The following PDGFRB variants were observed in gnomAD, a reference collection of about 807,000 sequenced individuals.
PDGFRB encodes the protein platelet derived growth factor receptor beta.
Under a neutral mutation model 120.2 loss-of-function variants are expected in PDGFRB, and 42 were observed. That is an observed-to-expected ratio of 0.35 (90% CI 0.27 to 0.45). PDGFRB has a LOEUF of 0.45. Ranked by LOEUF, PDGFRB falls within the 20% of genes least tolerant of loss-of-function variation. The pLI is 1.00. For synonymous variants in PDGFRB, 586 were observed against 606.8 expected (o/e 0.97, Z 0.50); for missense variants, 1,149 against 1,476.3 (o/e 0.78, Z 3.63).
intron 1 of PDGFRB, chr5:150,137,288 T>C: frequency 2.0e-6 from 1 of 499,504 alleles, no homozygotes; most frequent in South Asian, 2.7e-5. Context: ...TTGGCTCTGC[T>C]TGTGACTCTC....
intron 8 of PDGFRB, 64 bp from the exon 9 acceptor site, chr5:150,130,726 C>T (rs556580365): frequency 2.0e-6 from 3 of 1,477,434 alleles, no homozygotes; most frequent in Admixed American, 4.0e-5. Flanking sequence ...GACAGGTCCT[C>T]AGGGGAGGAC....
At chr5:150,127,605 G>A (rs1760329865) in intron 10 of PDGFRB, among the ~76,000 whole-genome samples, 1 of 152,126 alleles carries the variant, frequency 6.6e-6, no homozygotes, top group African/African-American at 2.4e-5. Flanking sequence ...GGAGGCCAAG[G>A]TGGGCGGATC....
At position 150,135,658 on chromosome 5, in the gene PDGFRB, C is replaced by T. The variant is rs1474577325; in HGVS notation, c.261G>A (p.Leu87=). The T allele has an allele frequency of 6.2e-7, 1 of 1,614,028 alleles. No individual in the cohort carries two copies. Among genetic ancestry groups the T allele is most frequent in the Non-Finnish European group, 8.5e-7 (1 of 1,179,886 alleles). ...CCGTGTCTAGCCCAGTGAGGTTGGT[C>T]AGTGTGAGCACGCTGGAGAAGGTGC... ...QDGTFSSVLT[L]TNLTGLDTGE... The change falls in exon 3 of 23, where the codon CTG becomes CTA. Residue 87 remains leucine (L), a synonymous_variant. Transcript: ENST00000261799.
chr5:150,153,147 T>C (rs1294760956), intron 1 of PDGFRB, among the ~76,000 whole-genome samples: 1 of 152,236 alleles, frequency 6.6e-6, no homozygotes, highest in African/African-American at 2.4e-5. Flanking sequence ...CTGGGTCTCC[T>C]GACTCTGGAT....
Position 150,120,921 on chromosome 5 carries a change from G to A in PDGFRB, c.2553C>T (p.Ile851=), listed in dbSNP as rs570277745. ...KICDFGLARD[I]MRDSNYISKG... ...TGGAGATGTAATTCGAGTCCCGCAT[G>A]ATGTCTCGAGCCAGGCCAAAGTCAC... Residue 851 remains isoleucine, a synonymous_variant, in exon 18 of 23, where the codon ATC becomes ATT. Transcript: ENST00000261799. This position sits in a 1 kb window ranked among gnomAD's most constrained non-coding sequence, Gnocchi z 4.3. 1 of 1,613,952 alleles carries A rather than the reference G, an allele frequency of 6.2e-7. No homozygotes were observed. Among genetic ancestry groups the A allele is most frequent in the Non-Finnish European group, 8.5e-7 (1 of 1,179,866 alleles).
intron 1 of PDGFRB, among the ~76,000 whole-genome samples, chr5:150,140,978 C>G (rs766537552): frequency 2.6e-5 from 4 of 152,170 alleles, no homozygotes; most frequent in Non-Finnish European, 5.9e-5. Context: ...ACGACACAGG[C>G]AGGCCAGGGA....
Position 150,120,275 on chromosome 5 carries a change from TC to T in PDGFRB, c.2587-153del, listed in dbSNP as rs1824010049. 1 of 605,574 alleles carries T rather than the reference TC, an allele frequency of 1.7e-6. No individual in the cohort carries two copies. Among genetic ancestry groups the T allele is most frequent in the East Asian group, 2.8e-5 (1 of 36,204 alleles). The allele number at this position is 605,574 out of a possible 1,614,324, so 37.5% of individuals were successfully genotyped here. A position where few individuals can be genotyped will look rare whatever the true frequency, so the allele number is the denominator to read the frequency against. On this transcript the variant is annotated intron_variant, in intron 18 of 22. Transcript: ENST00000261799. This position sits in a 1 kb window ranked among gnomAD's most constrained non-coding sequence, Gnocchi z 4.3. ...GGCCCTGGTCTCTGCGCAGCACAGT[TC>T]CCATGTCCATCCCAGGGCTGGTCAG...
intron 15 of PDGFRB, among the ~76,000 whole-genome samples, 179 bp downstream of exon 15, chr5:150,122,863 G>C (rs758239774): frequency 6.6e-6 from 1 of 152,230 alleles, no homozygotes; most frequent in Non-Finnish European, 1.5e-5. Context: ...CACAGGGCCT[G>C]GCATTAGTGT....
Position 150,115,919 on chromosome 5 carries a change from G to A in PDGFRB, c.3165C>T (p.Ser1055=), listed in dbSNP as rs375352303. 1.0e-4 allele frequency: 159 copies of A among 1,589,314 alleles called. No individual in the cohort carries two copies. Among genetic ancestry groups the A allele is most frequent in the Middle Eastern group, 6.6e-4 (4 of 6,042 alleles). Residue 1055 remains serine (S), a synonymous_variant, in exon 23 of 23, where the codon TCC becomes TCT. Coordinates refer to ENST00000261799, the MANE Select transcript of PDGFRB (RefSeq NM_002609.4). The part of the protein sequence containing the change: ...ASSTLNEVNT[S]STISCDSPLE... ...GGGGGCTGTCACAGGAGATGGTTGA[G>A]GAGGTGTTGACTTCATTCAGGGTGG...
At chr5:150,125,846 C>T in intron 11 of PDGFRB, among the ~76,000 whole-genome samples, 1 of 152,178 alleles carries the variant, frequency 6.6e-6, no homozygotes, top group East Asian at 1.9e-4. Context: ...TGAGAACCTC[C>T]TCTCTAGCTT....
intron 22 of PDGFRB, 145 bp downstream of exon 22, chr5:150,117,473 A>G (rs923951387): frequency 8.7e-6 from 5 of 574,678 alleles, no homozygotes; most frequent in African/African-American, 1.9e-5. Context: ...TCTTCTATTC[A>G]TTGGTAGGGA....
rs115096367 is a variant in PDGFRB at position 150,119,271 on chromosome 5, C to T, written c.2798+196G>A. 7.4e-3 allele frequency among the ~76,000 whole-genome samples: 1,123 copies of T among 152,140 alleles called. 16 individuals carry two copies. The highest frequency in any genetic ancestry group is 0.026 in the African/African-American group (1,091 of 41,490). On this transcript the variant is annotated intron_variant, in intron 20 of 22. Coordinates refer to ENST00000261799, the MANE Select transcript of PDGFRB (RefSeq NM_002609.4). Reference sequence around the variant, plus strand: ...GGGCAATGCTGGCCTGAAAATGAGGCCACACAGAGCAAAGCAGAGCTCAGG... The same window carrying T: ...GGGCAATGCTGGCCTGAAAATGAGGTCACACAGAGCAAAGCAGAGCTCAGG...
rs146967726 is a variant in PDGFRB at position 150,123,062 on chromosome 5, G to A, written c.2163C>T (p.Pro721=). Residue 721 remains proline (P), a synonymous_variant, in exon 15 of 23, where the codon CCC becomes CCT. Coordinates refer to ENST00000261799, the MANE Select transcript of PDGFRB (RefSeq NM_002609.4). ...PSAELYSNAL[P]VGLPLPSHVS... ...GGTACCTGGGCAGGGGGAGCCCAAC[G>A]GGCAGAGCATTGCTGTAGAGCTCCG... 1.9e-5 allele frequency: 30 copies of A among 1,613,236 alleles called. No individual in the cohort carries two copies. The highest frequency in any genetic ancestry group is 5.3e-5 in the African/African-American group (4 of 74,932).
chr5:150,115,167 A>C lies in PDGFRB; in HGVS notation c.*596T>G, dbSNP rs897990056. ...ATTAATTAGGCTGCCTAATGGCCCC[A>C]GACCAGCTCGGGCCAGGGAACGCAG... is the stretch of plus-strand genomic sequence containing the variant. On this transcript the variant is annotated 3_prime_UTR_variant, in exon 23 of 23. Coordinates refer to ENST00000261799, the MANE Select transcript of PDGFRB (RefSeq NM_002609.4). The C allele has an allele frequency of 4.3e-6, 1 of 233,062 alleles. No homozygotes were observed. Among genetic ancestry groups the C allele is most frequent in the African/African-American group, 2.2e-5 (1 of 45,324 alleles). The allele number at this position is 233,062 out of a possible 1,614,324, so 14.4% of individuals were successfully genotyped here.
At chr5:150,148,639 C>G (rs1271854775) in intron 1 of PDGFRB, among the ~76,000 whole-genome samples, 1 of 152,260 alleles carries the variant, frequency 6.6e-6, no homozygotes, top group Non-Finnish European at 1.5e-5. Context: ...CTGAGTTTAA[C>G]TTATCTGAGT....
chr5:150,140,172 CCCA>C (rs1314123313), intron 1 of PDGFRB, among the ~76,000 whole-genome samples: 1 of 152,098 alleles, frequency 6.6e-6, no homozygotes, highest in Non-Finnish European at 1.5e-5. Context: ...TCCCTGATAC[CCCA>C]CATTTTCCAC....
chr5:150,132,147 C>T lies in PDGFRB; in HGVS notation c.1128-53G>A. On this transcript the variant is annotated intron_variant, in intron 7 of 22. Coordinates refer to ENST00000261799, the MANE Select transcript of PDGFRB (RefSeq NM_002609.4). The surrounding 1 kb of genome is among the most constrained non-coding windows in gnomAD (Gnocchi z 5.0). ...AGTCGGAAGGACTCTTACAGTTCTC[C>T]CCACCCTCCTGGTATAAAGAGGAAC... is the stretch of plus-strand genomic sequence containing the variant. 1 of 946,070 alleles carries T rather than the reference C, an allele frequency of 1.1e-6. No individual in the cohort carries two copies. Among genetic ancestry groups the T allele is most frequent in the South Asian group, 1.4e-5 (1 of 73,974 alleles). The allele number at this position is 946,070 out of a possible 1,614,324, so 58.6% of individuals were successfully genotyped here.
At chr5:150,129,213 C>A (rs967437180) in intron 10 of PDGFRB, among the ~76,000 whole-genome samples, 1 of 152,320 alleles carries the variant, frequency 6.6e-6, no homozygotes, top group Admixed American at 6.5e-5. Flanking sequence ...TACACATGTA[C>A]AGGAATTGTG....
intron 1 of PDGFRB, among the ~76,000 whole-genome samples, chr5:150,137,769 G>C (rs1580813009): frequency 6.6e-6 from 1 of 152,350 alleles, no homozygotes; most frequent in Non-Finnish European, 1.5e-5. Flanking sequence ...CCCACCCCCA[G>C]GGTGCAGATG....
Sources: gnomAD v4.1 joint callset for allele counts (sites outside exome capture counted in the v4.1 genomes callset) on GRCh38, gnomAD v4.1.1 for gene constraint, Gnocchi (gnomAD v3.1) non-coding constraint, MANE v1.5 for transcripts, NCBI Gene and HGNC (gene_info 2026-07-23, HGNC 2026-07-21) for gene names.